MAGI2: variants seen among roughly 807,000 people sequenced by gnomAD.
MAGI2 encodes membrane associated guanylate kinase, WW and PDZ domain containing 2, also known as membrane-associated guanylate kinase, WW and PDZ domain-containing protein 2.
Under a neutral mutation model 133.3 loss-of-function variants are expected in MAGI2, and 35 were observed. That is an observed-to-expected ratio of 0.26 (90% CI 0.20 to 0.35). MAGI2 has a LOEUF of 0.35. MAGI2 is among the 10% of genes least tolerant of loss of function. The pLI, the probability that MAGI2 is intolerant of heterozygous loss-of-function variation, is 1.00. For missense variants in MAGI2, 1,636 were observed against 1,863.4 expected (o/e 0.88, Z 2.25); for synonymous variants, 729 against 710.6 (o/e 1.03, Z -0.41).
intron 21 of MAGI2, among the ~76,000 whole-genome samples, chr7:78,038,971 G>A (rs967008704): frequency 2.6e-5 from 4 of 152,300 alleles, no homozygotes; most frequent in African/African-American, 2.4e-5. Flanking sequence ...TAAATAATAC[G>A]TTAATAGTGT....
At chr7:78,345,813 A>G in intron 8 of MAGI2, 109 bp downstream of exon 8, 1 of 1,476,342 alleles carries the variant, frequency 6.8e-7, no homozygotes, top group Non-Finnish European at 9.2e-7. Flanking sequence ...GGTCTGGAGA[A>G]AGCAAATCAA....
intron 2 of MAGI2, among the ~76,000 whole-genome samples, chr7:78,677,735 A>C (rs899796750): frequency 2.6e-5 from 4 of 152,052 alleles, no homozygotes; most frequent in Non-Finnish European, 5.9e-5. Context: ...TTATTACATA[A>C]TTTCGTCCAA....
At chr7:78,934,260 C>T (rs759487891) in intron 2 of MAGI2, among the ~76,000 whole-genome samples, 3 of 152,080 alleles carry the variant, frequency 2.0e-5, no homozygotes, top group African/African-American at 7.2e-5. Context: ...TGTCACCACA[C>T]CCAGCTATTA....
intron 2 of MAGI2, among the ~76,000 whole-genome samples, chr7:78,838,698 CT>C (rs1377547541): frequency 1.3e-5 from 2 of 151,800 alleles, no homozygotes; most frequent in East Asian, 1.9e-4. Context: ...GAATATTTTT[CT>C]TTTTTGGATA....
At chr7:79,372,961 T>G (rs1221644270) in intron 1 of MAGI2, among the ~76,000 whole-genome samples, 1 of 152,000 alleles carries the variant, frequency 6.6e-6, no homozygotes, top group Non-Finnish European at 1.5e-5. Context: ...ACTCTTCTGG[T>G]TGAAGAGTTT....
intron 18 of MAGI2, among the ~76,000 whole-genome samples, chr7:78,132,028 C>G (rs1238418160): frequency 2.0e-5 from 3 of 152,132 alleles, no homozygotes; most frequent in African/African-American, 7.2e-5. Flanking sequence ...GCGTGTACCA[C>G]CACAACCGGC....
intron 3 of MAGI2, among the ~76,000 whole-genome samples, chr7:78,554,400 TCTC>T (rs1331594961): frequency 6.6e-6 from 1 of 152,172 alleles, no homozygotes; most frequent in Non-Finnish European, 1.5e-5. Context: ...TCCATGTGGA[TCTC>T]CTCATTCTGT....
chr7:78,044,502 G>A (rs967217264), intron 21 of MAGI2, among the ~76,000 whole-genome samples: 1 of 152,186 alleles, frequency 6.6e-6, no homozygotes, highest in Non-Finnish European at 1.5e-5. Flanking sequence ...TTTTAGTATA[G>A]CTTTTTGTTC....
chr7:79,007,298 T>C, intron 1 of MAGI2, 92 bp from the exon 2 acceptor site: 1 of 673,600 alleles, frequency 1.5e-6, no homozygotes. Context: ...AGGAACCCAT[T>C]AAAAAGATGC....
chr7:78,590,975 T>A (rs1442036453), intron 3 of MAGI2, among the ~76,000 whole-genome samples: 2 of 152,206 alleles, frequency 1.3e-5, no homozygotes, highest in East Asian at 3.9e-4. Context: ...TAGCAGTCTC[T>A]GTCAGAGACT....
chr7:79,369,107 T>C (rs1263917625), intron 1 of MAGI2, among the ~76,000 whole-genome samples: 1 of 152,160 alleles, frequency 6.6e-6, no homozygotes, highest in Non-Finnish European at 1.5e-5. Flanking sequence ...ATGGAAACCA[T>C]TTCTGAGCAT....
At chr7:78,244,728 A>G (rs1224342270) in intron 10 of MAGI2, among the ~76,000 whole-genome samples, 1 of 152,210 alleles carries the variant, frequency 6.6e-6, no homozygotes, top group Admixed American at 6.5e-5. Flanking sequence ...AACATAGTTT[A>G]TTCCAGGAAT....
In MAGI2 at chr7:78,445,771, T is replaced by G. The variant is rs555563404; in HGVS notation, c.1045+43990A>C. ...CTTAAATGTGACAATTTCAGGACAG[T>G]TTTCTATTTCATTTATTAATGCATT... On this transcript the variant is annotated intron_variant, in intron 6 of 21. Transcript: ENST00000354212. 8.5e-5 allele frequency among the ~76,000 whole-genome samples: 13 copies of G among 152,144 alleles called. No homozygotes were observed. In the South Asian group the frequency reaches 2.7e-3, roughly 32 times the overall value.
chr7:78,823,580 C>CAAAAAAA (rs1166858938), intron 2 of MAGI2, among the ~76,000 whole-genome samples: 14 of 91,832 alleles, frequency 1.5e-4, no homozygotes, highest in East Asian at 3.4e-4. Context: ...GACTCCGTCT[C>CAAAAAAA]AAAAAAAAAA....
intron 3 of MAGI2, among the ~76,000 whole-genome samples, chr7:78,623,557 G>A (rs1807977456): frequency 6.6e-6 from 1 of 151,842 alleles, no homozygotes; most frequent in African/African-American, 2.4e-5. Context: ...TATGAAGAAG[G>A]TACAGCACTA....
chr7:79,029,180 T>C (rs1189826734), intron 1 of MAGI2, among the ~76,000 whole-genome samples: 2 of 152,166 alleles, frequency 1.3e-5, no homozygotes, highest in Non-Finnish European at 2.9e-5. Flanking sequence ...CCATGATTGC[T>C]AGCTTTTAGT....
At chr7:78,904,899 A>C (rs1797887885) in intron 2 of MAGI2, among the ~76,000 whole-genome samples, 1 of 152,152 alleles carries the variant, frequency 6.6e-6, no homozygotes, top group African/African-American at 2.4e-5. Flanking sequence ...GTTCGATGGC[A>C]CAAAGCCTCT....
intron 6 of MAGI2, among the ~76,000 whole-genome samples, chr7:78,380,881 A>G (rs1001756159): frequency 9.9e-5 from 15 of 152,202 alleles, no homozygotes; most frequent in Admixed American, 9.8e-4. Flanking sequence ...ATCCACAAAA[A>G]TAAAAATAAA....
At chr7:78,604,229 A>C (rs1368016417) in intron 3 of MAGI2, among the ~76,000 whole-genome samples, 2 of 152,218 alleles carry the variant, frequency 1.3e-5, no homozygotes, top group African/African-American at 2.4e-5. Flanking sequence ...CTTTAGACAA[A>C]GAGAACAGTA....
Sources: gnomAD v4.1 joint callset for allele counts (sites outside exome capture counted in the v4.1 genomes callset) on GRCh38, gnomAD v4.1.1 for gene constraint, MANE v1.5 for transcripts, NCBI Gene and HGNC (gene_info 2026-07-23, HGNC 2026-07-21) for gene names.